Variants in MS4A4E observed in about 807,000 individuals in gnomAD.
The protein encoded by MS4A4E is membrane spanning 4-domains A4E, also known as putative membrane-spanning 4-domains subfamily A member 4E.
MS4A4E carries 23 observed loss-of-function variants against 13.3 expected under a neutral mutation model. The ratio of observed to expected loss-of-function variants is 1.73; its 90% CI spans 1.25 to 2.45. The LOEUF (loss-of-function observed/expected upper bound fraction) is 2.45, where lower values mean the gene tolerates loss of function less well. Ranked by LOEUF, MS4A4E falls within the 30% of genes most tolerant of loss-of-function variation. The pLI, the probability that MS4A4E is intolerant of heterozygous loss-of-function variation, is 0.00. For missense variants in MS4A4E, 144 were observed against 131.2 expected, an observed-to-expected ratio of 1.10 and a Z score of -0.48; for synonymous variants, 36 against 45.6, an observed-to-expected ratio of 0.79 and a Z score of 0.85.
intron 1 of MS4A4E, among the ~76,000 whole-genome samples, chr11:60,230,457 A>G (rs1464670463): frequency 6.6e-6 from 1 of 152,204 alleles, no homozygotes; most frequent in Non-Finnish European, 1.5e-5. Context: ...TAAGCTACAC[A>G]AATTCATCTG....
At position 60,238,379 on chromosome 11, in the gene MS4A4E, T is replaced by C. The variant is rs764750370; in HGVS notation, c.-17+4579A>G. Among the ~76,000 whole-genome samples the C allele has an allele frequency of 2.0e-5, 3 of 152,084 alleles. No individual in the cohort carries two copies. In the East Asian group the frequency reaches 5.8e-4, roughly 29 times the overall value. ...TCAGATTTTGTATTTCTTCTTATTT[T>C]TGTATTTCTTCTTCAGTCAGTTTTA... On this transcript the variant is annotated intron_variant, in intron 1 of 8. Transcript: ENST00000651255.
At position 60,212,818 on chromosome 11, in the gene MS4A4E, C is replaced by T. The variant is rs181596614; in HGVS notation, c.381+156G>A. On this transcript the variant is annotated intron_variant, in intron 5 of 8. Transcript: ENST00000651255. ...ATAAAGACAGAGATGAGATGTGTACCTGACTCCTAAATGAAAGATTATTCT... is the reference window on the plus strand; with the variant it reads ...ATAAAGACAGAGATGAGATGTGTACTTGACTCCTAAATGAAAGATTATTCT... Among the ~76,000 whole-genome samples the T allele has an allele frequency of 1.5e-3, 234 of 152,292 alleles. 1 individual carries two copies. Among genetic ancestry groups the T allele is most frequent in the African/African-American group, 5.2e-3 (217 of 41,548 alleles).
intron 3 of MS4A4E, among the ~76,000 whole-genome samples, chr11:60,221,179 G>A (rs1305181095): frequency 6.6e-6 from 1 of 152,102 alleles, no homozygotes; most frequent in African/African-American, 2.4e-5. Flanking sequence ...GAAACTAAAC[G>A]GTTGGCTATG....
chr11:60,218,099 C>T (rs1462863127), intron 3 of MS4A4E, among the ~76,000 whole-genome samples: 1 of 152,122 alleles, frequency 6.6e-6, no homozygotes, highest in African/African-American at 2.4e-5. Context: ...AAATGGCCCC[C>T]CAGATGTGCC....
intron 2 of MS4A4E, among the ~76,000 whole-genome samples, chr11:60,228,868 A>G (rs963111696): frequency 2.6e-5 from 4 of 152,252 alleles, no homozygotes; most frequent in African/African-American, 7.2e-5. Context: ...TGTTAACTGT[A>G]TGACTTTCTG....
chr11:60,220,082 C>T lies in MS4A4E; in HGVS notation c.179-5468G>A, dbSNP rs925353926. Among the ~76,000 whole-genome samples, 11 of 152,284 alleles carry T rather than the reference C, an allele frequency of 7.2e-5. No homozygotes were observed. In the East Asian group the frequency reaches 1.9e-3, roughly 27 times the overall value. Reference sequence around the variant, plus strand: ...TGGAAGCCATTAGAGCTGCCTCTACCTAGAAAAGCAGTAAATCAACAACAA... The same window carrying T: ...TGGAAGCCATTAGAGCTGCCTCTACTTAGAAAAGCAGTAAATCAACAACAA... On this transcript the variant is annotated intron_variant, in intron 3 of 8. Transcript: ENST00000651255.
intron 1 of MS4A4E, among the ~76,000 whole-genome samples, chr11:60,232,997 C>T (rs527577841): frequency 3.9e-5 from 6 of 152,210 alleles, no homozygotes; most frequent in African/African-American, 9.6e-5. Context: ...GATTGAGCTA[C>T]GTCACCCCAC....
intron 4 of MS4A4E, among the ~76,000 whole-genome samples, chr11:60,213,736 A>C (rs1336860079): frequency 6.6e-6 from 1 of 152,202 alleles, no homozygotes; most frequent in African/African-American, 2.4e-5. Context: ...AATAGTGTTT[A>C]GCCAGAAAAA....
In MS4A4E at chr11:60,223,978, G is replaced by A. The variant is rs142582118; in HGVS notation, c.178+4616C>T. Among the ~76,000 whole-genome samples, 45 of 152,104 alleles carry A rather than the reference G, an allele frequency of 3.0e-4. 1 individual carries two copies. In the East Asian group the frequency reaches 3.1e-3, roughly 10 times the overall value. On this transcript the variant is annotated intron_variant, in intron 3 of 8. Coordinates refer to ENST00000651255, the MANE Select transcript of MS4A4E (RefSeq NM_001393391.1). ...ACTCTCCTTCAAATCTTTCACTTCCGCTGTACACGAGTGAAGGGGAGCAAA... is the reference window on the plus strand; with the variant it reads ...ACTCTCCTTCAAATCTTTCACTTCCACTGTACACGAGTGAAGGGGAGCAAA...
chr11:60,218,145 A>G (rs1374084165), intron 3 of MS4A4E, among the ~76,000 whole-genome samples: 1 of 152,054 alleles, frequency 6.6e-6, no homozygotes, highest in African/African-American at 2.4e-5. Flanking sequence ...GGTGAAATAG[A>G]CCCCAGTCTC....
At chr11:60,215,570 C>G (rs1056067821) in intron 3 of MS4A4E, among the ~76,000 whole-genome samples, 1 of 151,402 alleles carries the variant, frequency 6.6e-6, no homozygotes, top group African/African-American at 2.4e-5. Context: ...CTTTCTGTAA[C>G]AAGATAGGAC....
intron 6 of MS4A4E, among the ~76,000 whole-genome samples, chr11:60,206,512 T>TATATACAC (rs141037502): frequency 1.0e-5 from 1 of 98,346 alleles, no homozygotes; most frequent in African/African-American, 4.8e-5. Flanking sequence ...TATATATATA[T>TATATACAC]ACACACACAC....
At chr11:60,240,180 C>T (rs1425675569) in intron 1 of MS4A4E, among the ~76,000 whole-genome samples, 2 of 152,178 alleles carry the variant, frequency 1.3e-5, no homozygotes, top group Admixed American at 6.5e-5. Flanking sequence ...GAGGGCTATG[C>T]GACTGCAAAT....
chr11:60,235,943 G>T (rs552893315), intron 1 of MS4A4E, among the ~76,000 whole-genome samples: 1 of 152,132 alleles, frequency 6.6e-6, no homozygotes, highest in African/African-American at 2.4e-5. Flanking sequence ...GAGCTGTTTT[G>T]TTTGGTGTAA....
Position 60,220,651 on chromosome 11 carries a change from T to C in MS4A4E, c.179-6037A>G, listed in dbSNP as rs188838258. ...GGTAAGACATTTGCATGCCAGAGGA[T>C]GGGAAATAAATATGACTAAAATTCA... On this transcript the variant is annotated intron_variant, in intron 3 of 8. Coordinates refer to ENST00000651255, the MANE Select transcript of MS4A4E (RefSeq NM_001393391.1). Among the ~76,000 whole-genome samples, 428 of 152,240 alleles carry C rather than the reference T, an allele frequency of 2.8e-3. 2 individuals carry two copies. The highest frequency in any genetic ancestry group is 4.7e-3 in the Non-Finnish European group (319 of 67,992).
intron 3 of MS4A4E, 133 bp downstream of exon 3, chr11:60,228,461 A>G (rs1319854510): frequency 1.3e-5 from 7 of 530,194 alleles, no homozygotes; most frequent in Non-Finnish European, 2.3e-5. Flanking sequence ...GCTAGCAATT[A>G]TGTAGAACAG....
At chr11:60,222,471 A>G (rs2084281536) in intron 3 of MS4A4E, among the ~76,000 whole-genome samples, 1 of 152,202 alleles carries the variant, frequency 6.6e-6, no homozygotes, top group South Asian at 2.1e-4. Flanking sequence ...CAACCAGGTG[A>G]CAATACTTTT....
intron 3 of MS4A4E, among the ~76,000 whole-genome samples, chr11:60,219,335 C>T: frequency 6.6e-6 from 1 of 152,154 alleles, no homozygotes; most frequent in Non-Finnish European, 1.5e-5. Flanking sequence ...TGGCAGCACT[C>T]AGCCATCAAA....
intron 3 of MS4A4E, among the ~76,000 whole-genome samples, chr11:60,215,327 G>C (rs1020403614): frequency 6.6e-6 from 1 of 151,674 alleles, no homozygotes; most frequent in Non-Finnish European, 1.5e-5. Context: ...AATAACAGTA[G>C]AGCAAATCAT....
Sources: allele counts gnomAD v4.1 joint callset (sites outside exome capture counted in the v4.1 genomes callset), GRCh38; gene constraint gnomAD v4.1.1; transcripts MANE v1.5; gene names NCBI Gene and HGNC (gene_info 2026-07-23, HGNC 2026-07-21).